The following MCF2L variants were observed in gnomAD, a reference collection of about 807,000 sequenced individuals.
MCF2L encodes guanine nucleotide exchange factor DBS.
Under a neutral mutation model 153.4 loss-of-function variants are expected in MCF2L, and 97 were observed. The observed-to-expected ratio is 0.63, with a 90% CI of 0.54 to 0.75. The LOEUF (loss-of-function observed/expected upper bound fraction) is 0.75, where lower values mean the gene tolerates loss of function less well. Ranked by LOEUF, MCF2L falls within the 30% of genes least tolerant of loss-of-function variation. MCF2L has a pLI of 0.00. For missense variants in MCF2L, 1,347 were observed against 1,495.2 expected, an observed-to-expected ratio of 0.90 and a Z score of 1.64; for synonymous variants, 659 against 632.2, an observed-to-expected ratio of 1.04 and a Z score of -0.64.
chr13:112,992,608 T>C (rs1268772847), intron 1 of MCF2L, among the ~76,000 whole-genome samples: 1 of 152,206 alleles, frequency 6.6e-6, no homozygotes, highest in Admixed American at 6.5e-5. Flanking sequence ...AAGCTGAGTT[T>C]GAAGCAGTGA....
intron 1 of MCF2L, among the ~76,000 whole-genome samples, chr13:113,012,358 CTG>C (rs2084202856): frequency 1.2e-5 from 1 of 80,536 alleles, no homozygotes; most frequent in African/African-American, 4.5e-5. Flanking sequence ...ACGGTGGACA[CTG>C]TGATGCGGAC....
At chr13:113,086,008 A>G (rs1213412142) in intron 20 of MCF2L, 116 bp from the exon 21 acceptor site, 9 of 1,131,918 alleles carry the variant, frequency 8.0e-6, no homozygotes, top group Non-Finnish European at 1.1e-5. Flanking sequence ...AGCTCCCCAC[A>G]GACCAGGGGA....
intron 8 of MCF2L, among the ~76,000 whole-genome samples, chr13:113,067,360 G>A (rs1269107790): frequency 2.5e-5 from 2 of 80,048 alleles, no homozygotes; most frequent in Non-Finnish European, 5.1e-5. Context: ...AGGTCGCAGT[G>A]AGCCGAGATT....
intron 18 of MCF2L, chr13:113,084,512 C>A: frequency 3.0e-6 from 1 of 332,398 alleles, no homozygotes; most frequent in Non-Finnish European, 5.5e-6. Flanking sequence ...CTGTTTTTTG[C>A]TAAATAACAG....
chr13:112,962,789 C>T (rs567908950), intron 2 of MCF2L, among the ~76,000 whole-genome samples: 1 of 152,306 alleles, frequency 6.6e-6, no homozygotes, highest in South Asian at 2.1e-4. Context: ...ACCGGCTCTG[C>T]CCCTTTCTCC....
intron 27 of MCF2L, 55 bp downstream of exon 27, chr13:113,094,690 G>A (rs1365208258): frequency 6.4e-7 from 1 of 1,568,932 alleles, no homozygotes; most frequent in Non-Finnish European, 8.6e-7. Context: ...CCGGGGATTA[G>A]GGGTGCTTCT....
chr13:113,095,969 T>A, intron 27 of MCF2L: 1 of 409,558 alleles, frequency 2.4e-6, no homozygotes, highest in Non-Finnish European at 4.0e-6. Context: ...GCAGGACAGC[T>A]GCAGGGAGAG....
At chr13:113,032,731 G>A (rs115973164) in intron 3 of MCF2L, among the ~76,000 whole-genome samples, 3,541 of 152,184 alleles carry the variant, frequency 0.023, 130 homozygotes, top group African/African-American at 0.081. Context: ...CACCACACCC[G>A]GCTAATTTGG....
At chr13:113,083,943 T>C (rs1179246803) in intron 17 of MCF2L, 55 bp from the exon 18 acceptor site, 26 of 1,278,432 alleles carry the variant, frequency 2.0e-5, no homozygotes, top group Non-Finnish European at 2.9e-5. Flanking sequence ...CACTTGTCAC[T>C]GGTCCACGTG....
At chr13:113,056,562 C>T (rs368507892) in intron 4 of MCF2L, among the ~76,000 whole-genome samples, 120 of 50,762 alleles carry the variant, frequency 2.4e-3, no homozygotes, top group African/African-American at 6.9e-3. Flanking sequence ...ACTGAGTGGG[C>T]GCTGAGTGTT....
In MCF2L at chr13:112,919,015, A is replaced by G. The variant is rs148145260; in HGVS notation, c.169+16644A>G. 5.4e-3 allele frequency among the ~76,000 whole-genome samples: 827 copies of G among 152,250 alleles called. 5 individuals are homozygous for G. The highest frequency in any genetic ancestry group is 0.018 in the African/African-American group (767 of 41,538). On this transcript the variant is annotated intron_variant, in intron 2 of 29. Transcript: ENST00000375608. ...GCTGTTGAAAGGCTCTCAGACCTCT[A>G]TGCTGACACCTGTGGTCTGTGGGCC...
intron 2 of MCF2L, among the ~76,000 whole-genome samples, chr13:112,902,661 A>T (rs1808160973): frequency 6.6e-6 from 1 of 152,234 alleles, no homozygotes; most frequent in Non-Finnish European, 1.5e-5. Context: ...CCGGTTAGAG[A>T]TCATGAGAAA....
intron 1 of MCF2L, among the ~76,000 whole-genome samples, chr13:112,970,859 C>G (rs916766524): frequency 3.3e-5 from 5 of 152,254 alleles, no homozygotes; most frequent in African/African-American, 1.2e-4. Flanking sequence ...GCGAGCCGGG[C>G]GCTCGGTGTG....
chr13:112,972,341 G>A (rs1251084276), intron 1 of MCF2L, among the ~76,000 whole-genome samples: 2 of 146,456 alleles, frequency 1.4e-5, no homozygotes, highest in African/African-American at 2.5e-5. Context: ...GATGATGGAT[G>A]GATGGATGTG....
intron 4 of MCF2L, among the ~76,000 whole-genome samples, chr13:113,056,906 G>GTTTT (rs2029999222): frequency 6.9e-6 from 1 of 144,206 alleles, no homozygotes; most frequent in African/African-American, 2.7e-5. Context: ...GGTGCTGAGT[G>GTTTT]GGTGCTGAGT....
Position 113,051,710 on chromosome 13 carries a change from A to G in MCF2L, c.369+6349A>G, listed in dbSNP as rs149712203. Reference sequence around the variant, plus strand: ...AGTATCTGAAACTGGGCACTTTACAACGAAAAAGAATTCATGCCTTACAGT... The same window carrying G: ...AGTATCTGAAACTGGGCACTTTACAGCGAAAAAGAATTCATGCCTTACAGT... On this transcript the variant is annotated intron_variant, in intron 4 of 29. Coordinates refer to ENST00000535094, the MANE Select transcript of MCF2L (RefSeq NM_001112732.3). Among the ~76,000 whole-genome samples, 514 of 152,316 alleles carry G rather than the reference A, an allele frequency of 3.4e-3. 1 individual carries two copies. The highest frequency in any genetic ancestry group is 0.012 in the African/African-American group (490 of 41,572).
At chr13:112,938,237 GGGGTTGGTTCAGGTGAGCGCTGAT>G (rs71101539) in intron 2 of MCF2L, among the ~76,000 whole-genome samples, 17,140 of 125,962 alleles carry the variant, frequency 0.14, 446 homozygotes, top group African/African-American at 0.19. Flanking sequence ...TGAGCGCTGA[GGGGTTGGTTCAGGTGAGCGCTGAT>G]GGGTTGGTTC....
Position 112,922,510 on chromosome 13 carries a change from C to T in MCF2L, c.169+20139C>T, listed in dbSNP as rs903345528. On this transcript the variant is annotated intron_variant, in intron 2 of 29. Transcript: ENST00000375608. ...CATTTCTCAGCATTGAAGTAAAAATCTGAAAGCATTCACAACACATAAAAA... is the reference window on the plus strand; with the variant it reads ...CATTTCTCAGCATTGAAGTAAAAATTTGAAAGCATTCACAACACATAAAAA... Among the ~76,000 whole-genome samples the T allele has an allele frequency of 6.6e-5, 10 of 151,494 alleles. No homozygotes were observed. The South Asian group carries it at 1.0e-3, about 16-fold the overall frequency.
At chr13:112,919,753 T>G (rs1398045487) in intron 2 of MCF2L, among the ~76,000 whole-genome samples, 2 of 152,242 alleles carry the variant, frequency 1.3e-5, no homozygotes, top group African/African-American at 4.8e-5. Context: ...AGTTACACTC[T>G]TGATAACAGT....
Sources: allele counts gnomAD v4.1 joint callset (sites outside exome capture counted in the v4.1 genomes callset), GRCh38; gene constraint gnomAD v4.1.1; transcripts MANE v1.5; gene names NCBI Gene and HGNC (gene_info 2026-07-23, HGNC 2026-07-21).